LHFPL7: variants seen among roughly 807,000 people sequenced by gnomAD.
LHFPL7 encodes LHFPL tetraspan subfamily member 7 protein.
At chr22:24,940,636 C>CCGTTCCTT in the LHFPL7 span, among the ~76,000 whole-genome samples, 2 of 61,094 alleles carry the variant, frequency 3.3e-5, no homozygotes, top group East Asian at 8.0e-4. Context: ...CATATGCCCG[C>CCGTTCCTT]CCTTCCTTCC....
the LHFPL7 span, chr22:24,935,671 A>C: frequency 6.6e-7 from 1 of 1,524,332 alleles, no homozygotes; most frequent in Non-Finnish European, 8.9e-7. Context: ...CGACTCATCC[A>C]CCCTTTATCC....
At chr22:24,939,012 T>C in the LHFPL7 span, among the ~76,000 whole-genome samples, 1 of 152,184 alleles carries the variant, frequency 6.6e-6, no homozygotes, top group South Asian at 2.1e-4. Flanking sequence ...AGGTGCTACA[T>C]TGGCCGGCAG....
At chr22:24,935,255 A>C in the LHFPL7 span, 1 of 1,529,578 alleles carries the variant, frequency 6.5e-7, no homozygotes, top group African/African-American at 1.4e-5. Flanking sequence ...GAAGGAGCAG[A>C]GATGGGATTT....
chr22:24,935,767 C>T, the LHFPL7 span, among the ~76,000 whole-genome samples: 7 of 151,982 alleles, frequency 4.6e-5, no homozygotes, highest in African/African-American at 7.2e-5. Flanking sequence ...CATTCAACTA[C>T]GCTTCCAACT....
chr22:24,938,774 T>C, the LHFPL7 span, among the ~76,000 whole-genome samples: 2 of 152,238 alleles, frequency 1.3e-5, no homozygotes, highest in East Asian at 1.9e-4. Context: ...CTCCCCATTG[T>C]TGATTTTGGC....
the LHFPL7 span, among the ~76,000 whole-genome samples, chr22:24,937,554 G>T: frequency 6.6e-6 from 1 of 152,310 alleles, no homozygotes; most frequent in East Asian, 1.9e-4. Flanking sequence ...GGACTCGTTT[G>T]TCCAGTATGT....
the LHFPL7 span, among the ~76,000 whole-genome samples, chr22:24,942,455 C>T: frequency 6.6e-6 from 1 of 152,202 alleles, no homozygotes; most frequent in Non-Finnish European, 1.5e-5. Flanking sequence ...GTGAGCCTGC[C>T]CAAGGGCACT....
chr22:24,939,558 G>A, the LHFPL7 span: 3 of 702,206 alleles, frequency 4.3e-6, no homozygotes, highest in African/African-American at 5.2e-5. Context: ...CTGACCTAGG[G>A]GTCAACAGGG....
At chr22:24,941,428 C>T in the LHFPL7 span, among the ~76,000 whole-genome samples, 11 of 151,894 alleles carry the variant, frequency 7.2e-5, no homozygotes, top group Non-Finnish European at 1.2e-4. Flanking sequence ...ACTGAAACAC[C>T]ATGGATGTCT....
the LHFPL7 span, among the ~76,000 whole-genome samples, chr22:24,942,736 C>A: frequency 1.3e-5 from 2 of 152,140 alleles, no homozygotes. Flanking sequence ...GGACTAGGGG[C>A]AGACAGTGTT....
the LHFPL7 span, chr22:24,939,650 A>T: frequency 7.5e-6 from 5 of 668,470 alleles, no homozygotes; most frequent in South Asian, 3.2e-5. Context: ...TGGTGTTATG[A>T]TCAGACCCCA....
chr22:24,944,807 G>C, the LHFPL7 span, among the ~76,000 whole-genome samples: 1 of 151,314 alleles, frequency 6.6e-6, no homozygotes, highest in Admixed American at 6.6e-5. Context: ...GTCTTTTTTT[G>C]TTTTGTTTTG....
chr22:24,941,171 CTT>C, the LHFPL7 span, among the ~76,000 whole-genome samples: 3 of 142,904 alleles, frequency 2.1e-5, no homozygotes, highest in African/African-American at 2.6e-5. Flanking sequence ...ATGGTATTAT[CTT>C]TTTTTTTTTT....
At chr22:24,936,294 C>T in the LHFPL7 span, among the ~76,000 whole-genome samples, 2 of 152,116 alleles carry the variant, frequency 1.3e-5, no homozygotes, top group African/African-American at 4.8e-5. Context: ...CATCTCTCAT[C>T]CTACATCCAT....
chr22:24,937,869 T>C, the LHFPL7 span, among the ~76,000 whole-genome samples: 1 of 152,072 alleles, frequency 6.6e-6, no homozygotes, highest in South Asian at 2.1e-4. Flanking sequence ...CTGGTAAGGA[T>C]GACATGAAGT....
chr22:24,944,351 G>A, the LHFPL7 span, among the ~76,000 whole-genome samples: 4 of 152,104 alleles, frequency 2.6e-5, no homozygotes, highest in Admixed American at 6.6e-5. Context: ...GTAATTGGGG[G>A]ATAGTCATGG....
the LHFPL7 span, chr22:24,938,247 G>A: frequency 6.2e-7 from 1 of 1,614,054 alleles, no homozygotes; most frequent in Non-Finnish European, 8.5e-7. Flanking sequence ...TGCATTGAAG[G>A]CCAACAGGAG....
chr22:24,942,610 C>T, the LHFPL7 span, among the ~76,000 whole-genome samples: 4 of 152,206 alleles, frequency 2.6e-5, no homozygotes, highest in Non-Finnish European at 4.4e-5. Flanking sequence ...GGGTTAGAGG[C>T]CAACCAACCA....
the LHFPL7 span, chr22:24,935,157 A>T: frequency 1.3e-6 from 1 of 760,858 alleles, no homozygotes; most frequent in Admixed American, 2.9e-5. Flanking sequence ...GAACAACCTT[A>T]TGAGGTAGGT....
Sources: gnomAD v4.1 joint callset for allele counts (sites outside exome capture counted in the v4.1 genomes callset) on GRCh38, gnomAD v4.1.1 for gene constraint, MANE v1.5 for transcripts, NCBI Gene and HGNC (gene_info 2026-07-23, HGNC 2026-07-21) for gene names.